The following PCDH15 variants were observed in gnomAD, a reference collection of about 807,000 sequenced individuals.
PCDH15 encodes the protein protocadherin-15.
Under a neutral mutation model 178.5 loss-of-function variants are expected in PCDH15, and 129 were observed. That is an observed-to-expected ratio of 0.72 (90% CI 0.63 to 0.84). PCDH15 has a LOEUF of 0.84. PCDH15 is among the 40% of genes least tolerant of loss of function. PCDH15 has a pLI of 0.00. For missense variants in PCDH15, 2,230 were observed against 2,099.9 expected (o/e 1.06, Z -1.21); for synonymous variants, 800 against 732.0 (o/e 1.09, Z -1.50).
chr10:55,237,669 T>A (rs1841419500), intron 1 of PCDH15, among the ~76,000 whole-genome samples: 1 of 152,120 alleles, frequency 6.6e-6, no homozygotes, highest in African/African-American at 2.4e-5. Context: ...GAACTATTAT[T>A]ATTGCACAAC....
chr10:55,374,091 A>T (rs1235502583), intron 2 of PCDH15, among the ~76,000 whole-genome samples: 1 of 49,668 alleles, frequency 2.0e-5, no homozygotes, highest in African/African-American at 5.2e-5. Flanking sequence ...AAGTATAATA[A>T]TAATAATAAT....
chr10:53,955,637 T>C (rs2087538700), intron 23 of PCDH15, among the ~76,000 whole-genome samples: 1 of 152,148 alleles, frequency 6.6e-6, no homozygotes, highest in African/African-American at 2.4e-5. Context: ...TTGTAACACA[T>C]TACCTTCCCC....
chr10:53,851,724 T>TATATATATA (rs2078388257), intron 28 of PCDH15, among the ~76,000 whole-genome samples: 1 of 78,832 alleles, frequency 1.3e-5, no homozygotes, highest in Non-Finnish European at 2.9e-5. Flanking sequence ...ATATATATAT[T>TATATATATA]TACACACACA....
At chr10:54,139,784 T>C (rs979071152) in intron 14 of PCDH15, among the ~76,000 whole-genome samples, 3 of 151,756 alleles carry the variant, frequency 2.0e-5, no homozygotes, top group Non-Finnish European at 4.4e-5. Context: ...AACCAATAAG[T>C]AGAAGAAAGA....
At chr10:54,154,409 T>C (rs1251649419) in intron 13 of PCDH15, among the ~76,000 whole-genome samples, 1 of 152,172 alleles carries the variant, frequency 6.6e-6, no homozygotes, top group Non-Finnish European at 1.5e-5. Flanking sequence ...TTTACTTATA[T>C]TTATATTTTC....
At chr10:54,666,104 A>T (rs2094567271) in intron 1 of PCDH15, among the ~76,000 whole-genome samples, 1 of 152,120 alleles carries the variant, frequency 6.6e-6, no homozygotes, top group South Asian at 2.1e-4. Context: ...ACGTAAGGGA[A>T]TATAAATACG....
intron 2 of PCDH15, among the ~76,000 whole-genome samples, chr10:55,425,090 T>A (rs140510352): frequency 0.01 from 1,507 of 149,490 alleles, 13 homozygotes; most frequent in South Asian, 0.024. Flanking sequence ...TAGAAAAAAT[T>A]AGAAATTAAG....
chr10:55,457,241 G>A (rs1438745593), intron 2 of PCDH15, among the ~76,000 whole-genome samples: 1 of 151,932 alleles, frequency 6.6e-6, no homozygotes, highest in Non-Finnish European at 1.5e-5. Flanking sequence ...AATAAATTAG[G>A]AATTATTAAC....
intron 2 of PCDH15, among the ~76,000 whole-genome samples, chr10:55,420,159 T>C (rs778513967): frequency 6.6e-6 from 1 of 151,758 alleles, no homozygotes; most frequent in Non-Finnish European, 1.5e-5. Context: ...TTCAAAAGAA[T>C]ATTTAATTAC....
chr10:54,046,559 A>G (rs2093658907), intron 18 of PCDH15, among the ~76,000 whole-genome samples: 1 of 152,150 alleles, frequency 6.6e-6, no homozygotes, highest in Admixed American at 6.6e-5. Flanking sequence ...AGGCTTCGAA[A>G]AAAGACAAAA....
intron 8 of PCDH15, among the ~76,000 whole-genome samples, chr10:54,307,836 T>G (rs1028975867): frequency 6.6e-6 from 1 of 152,050 alleles, no homozygotes; most frequent in African/African-American, 2.4e-5. Flanking sequence ...TTCAAATTAA[T>G]AACTAATTTG....
chr10:54,575,006 T>C (rs1470167995), intron 2 of PCDH15, among the ~76,000 whole-genome samples: 18 of 148,880 alleles, frequency 1.2e-4, no homozygotes, highest in Non-Finnish European at 1.9e-4. Context: ...TGTAGGGACA[T>C]GGATGATATT....
intron 11 of PCDH15, among the ~76,000 whole-genome samples, chr10:54,194,666 A>ATCTG (rs1177651821): frequency 6.7e-6 from 1 of 149,926 alleles, no homozygotes; most frequent in Admixed American, 6.7e-5. Context: ...CTATCTATCT[A>ATCTG]TCTATCTATC....
At chr10:54,312,942 A>T (rs1359624157) in intron 8 of PCDH15, among the ~76,000 whole-genome samples, 1 of 152,106 alleles carries the variant, frequency 6.6e-6, no homozygotes, top group Non-Finnish European at 1.5e-5. Context: ...ATAAAAAAAT[A>T]AATATTTGCC....
intron 2 of PCDH15, among the ~76,000 whole-genome samples, chr10:55,505,187 A>G (rs2132144386): frequency 6.6e-6 from 1 of 151,574 alleles, no homozygotes; most frequent in East Asian, 1.9e-4. Flanking sequence ...GAAGGTTTAT[A>G]CAAGAGTTAG....
intron 2 of PCDH15, among the ~76,000 whole-genome samples, chr10:55,440,901 G>T (rs1325210049): frequency 6.6e-6 from 1 of 152,102 alleles, no homozygotes; most frequent in African/African-American, 2.4e-5. Flanking sequence ...AGCAAAAGGG[G>T]TTTCCCCATA....
At chr10:55,107,946 G>A (rs1837397311) in intron 2 of PCDH15, among the ~76,000 whole-genome samples, 1 of 152,116 alleles carries the variant, frequency 6.6e-6, no homozygotes, top group South Asian at 2.1e-4. Context: ...GCCCTAATGT[G>A]ATGGTGCGTT....
intron 2 of PCDH15, among the ~76,000 whole-genome samples, chr10:55,327,592 T>C (rs1844067132): frequency 6.6e-6 from 1 of 152,078 alleles, no homozygotes; most frequent in South Asian, 2.1e-4. Context: ...TGTACTTTAA[T>C]GAGTCAAAAG....
intron 26 of PCDH15, among the ~76,000 whole-genome samples, chr10:53,875,302 T>C (rs1389268367): frequency 6.6e-6 from 1 of 151,060 alleles, no homozygotes; most frequent in Non-Finnish European, 1.5e-5. Flanking sequence ...CTTAATATTT[T>C]GGGAAAATTC....
Sources: allele counts gnomAD v4.1 joint callset (sites outside exome capture counted in the v4.1 genomes callset), GRCh38; gene constraint gnomAD v4.1.1; transcripts MANE v1.5; gene names NCBI Gene and HGNC (gene_info 2026-07-23, HGNC 2026-07-21).